The following SNX8 variants were observed in gnomAD, a reference collection of about 807,000 sequenced individuals.
SNX8 encodes the protein sorting nexin-8.
SNX8 carries 25 observed loss-of-function variants against 51.6 expected under a neutral mutation model. The observed-to-expected ratio is 0.48, with a 90% CI of 0.35 to 0.68. The LOEUF (loss-of-function observed/expected upper bound fraction) is 0.68, where lower values mean the gene tolerates loss of function less well. Among genes scored for constraint, SNX8 ranks in the 30% least tolerant of loss-of-function variants. The probability of loss-of-function intolerance (pLI) is 0.00; values close to 1 mark genes in which losing one functional copy is unlikely to be tolerated. For synonymous variants in SNX8, 324 were observed against 277.0 expected, an observed-to-expected ratio of 1.17 and a Z score of -1.68; for missense variants, 695 against 624.0, an observed-to-expected ratio of 1.11 and a Z score of -1.21.
chr7:2,261,875 G>T (rs954237115), intron 7 of SNX8, among the ~76,000 whole-genome samples: 1 of 152,224 alleles, frequency 6.6e-6, no homozygotes, highest in Non-Finnish European at 1.5e-5. Flanking sequence ...ACAGCAGGTG[G>T]GTTCACCATT....
At chr7:2,255,298 C>G in intron 10 of SNX8, 129 bp from the exon 11 acceptor site, 3 of 621,250 alleles carry the variant, frequency 4.8e-6, no homozygotes. Context: ...CTCCTCAAAC[C>G]TCTGGCAGAA....
Position 2,257,415 on chromosome 7 carries a change from G to T in SNX8, c.1084C>A (p.Gln362Lys). The T allele has an allele frequency of 6.2e-7, 1 of 1,610,658 alleles. No homozygotes were observed. Reference sequence around the variant, plus strand: ...TCCACGGACTCCGGCTCGCGGTTCTGCGCGGTGGCGCTCATCATCTGCCTC... The same window carrying T: ...TCCACGGACTCCGGCTCGCGGTTCTTCGCGGTGGCGCTCATCATCTGCCTC... ...MKRQMMSATA[Q>K]NREPESVEQL... The change falls in exon 9 of 11, where the codon CAG becomes AAG. Residue 362 changes from glutamine to lysine, a missense_variant. Coordinates refer to ENST00000222990, the MANE Select transcript of SNX8 (RefSeq NM_013321.4).
At chr7:2,314,485 C>A, upstream of SNX8, 1 of 1,174,142 alleles carries the variant, frequency 8.5e-7, no homozygotes, top group Non-Finnish European at 1.1e-6. Flanking sequence ...TGCCGCGCCG[C>A]GCCCTCGCCC....
At chr7:2,326,980 C>T (rs1369367226) in intron 1 of SNX8, among the ~76,000 whole-genome samples, 2 of 152,080 alleles carry the variant, frequency 1.3e-5, no homozygotes, top group Non-Finnish European at 1.5e-5. Flanking sequence ...AAAAATATTA[C>T]GAACTTGGTG....
At chr7:2,302,230 G>C (rs1041535643) in intron 1 of SNX8, among the ~76,000 whole-genome samples, 2 of 152,248 alleles carry the variant, frequency 1.3e-5, no homozygotes, top group African/African-American at 4.8e-5. Context: ...AGCCTGCCGA[G>C]TGCCTGCGAT....
At chr7:2,302,905 G>T (rs1195149371) in intron 1 of SNX8, among the ~76,000 whole-genome samples, 14 of 148,414 alleles carry the variant, frequency 9.4e-5, no homozygotes, top group African/African-American at 3.0e-4. Flanking sequence ...CCTCCGCCCG[G>T]CAGCCGCCCT....
intron 1 of SNX8, among the ~76,000 whole-genome samples, chr7:2,307,191 A>T (rs1338602095): frequency 6.6e-6 from 1 of 151,620 alleles, no homozygotes; most frequent in Non-Finnish European, 1.5e-5. Flanking sequence ...CCCAAAAGGG[A>T]CCCTACCTGA....
At chr7:2,315,021 C>T (rs1796731282), upstream of SNX8, among the ~76,000 whole-genome samples, 1 of 150,606 alleles carries the variant, frequency 6.6e-6, no homozygotes, top group African/African-American at 2.5e-5. Flanking sequence ...ATCCTGCATT[C>T]ATTCATTCAC....
chr7:2,257,529 G>A lies in SNX8; in HGVS notation c.985-15C>T, dbSNP rs905510689. The A allele has an allele frequency of 1.2e-6, 2 of 1,600,338 alleles. No homozygotes were observed. The highest frequency in any genetic ancestry group is 1.7e-5 in the Admixed American group (1 of 59,230). ...TCGCACAGGTCCTGCGGGGCCGGGG[G>A]AGGCATTCGCCCGCTGTCTGGATGC... is the stretch of plus-strand genomic sequence containing the variant. On this transcript the variant is annotated splice_polypyrimidine_tract_variant and intron_variant, in intron 8 of 10. Transcript: ENST00000222990.
intron 10 of SNX8, among the ~76,000 whole-genome samples, chr7:2,255,883 G>C (rs968116712): frequency 2.0e-5 from 3 of 152,250 alleles, no homozygotes; most frequent in Non-Finnish European, 4.4e-5. Flanking sequence ...GCCAAGACCT[G>C]CCGTGCAGGG....
At chr7:2,276,280 G>C (rs1047490314) in intron 2 of SNX8, among the ~76,000 whole-genome samples, 1 of 152,176 alleles carries the variant, frequency 6.6e-6, no homozygotes, top group African/African-American at 2.4e-5. Flanking sequence ...CTGCTCCCCC[G>C]TGGCATCCCA....
intron 1 of SNX8, among the ~76,000 whole-genome samples, chr7:2,304,320 A>G (rs11983281): frequency 0.069 from 10,525 of 151,880 alleles, 484 homozygotes; most frequent in South Asian, 0.2. Flanking sequence ...CAAGGTGGGC[A>G]GATCACGAGG....
chr7:2,283,413 C>T (rs550738091), intron 1 of SNX8, among the ~76,000 whole-genome samples: 1 of 152,332 alleles, frequency 6.6e-6, no homozygotes, highest in East Asian at 1.9e-4. Context: ...GTCCGCGCCG[C>T]CCAGGCACTC....
intron 1 of SNX8, among the ~76,000 whole-genome samples, chr7:2,301,662 G>C (rs1174127295): frequency 1.3e-5 from 2 of 152,190 alleles, no homozygotes; most frequent in Admixed American, 6.6e-5. Context: ...TCATGGAAAA[G>C]GGCATCCACG....
At chr7:2,329,751 G>C (rs994343195) in intron 1 of SNX8, among the ~76,000 whole-genome samples, 1 of 152,102 alleles carries the variant, frequency 6.6e-6, no homozygotes, top group African/African-American at 2.4e-5. Context: ...AAAGTGGCAC[G>C]GGGAGGGGTA....
At chr7:2,305,195 C>T (rs1796519310) in intron 1 of SNX8, among the ~76,000 whole-genome samples, 1 of 152,168 alleles carries the variant, frequency 6.6e-6, no homozygotes, top group South Asian at 2.1e-4. Flanking sequence ...CCGCAGTGCC[C>T]TCTGTTAGGA....
upstream of SNX8, among the ~76,000 whole-genome samples, chr7:2,319,416 T>G (rs1796800651): frequency 6.6e-6 from 1 of 152,144 alleles, no homozygotes; most frequent in Non-Finnish European, 1.5e-5. Flanking sequence ...TCCCAGCACT[T>G]TGGGAGGCAG....
chr7:2,350,293 G>C (rs1490744196), intron 1 of SNX8, among the ~76,000 whole-genome samples: 2 of 152,128 alleles, frequency 1.3e-5, no homozygotes, highest in Non-Finnish European at 2.9e-5. Flanking sequence ...GGTTAGTCTC[G>C]GCCCAGTCTC....
chr7:2,317,658 C>G (rs1025597660), upstream of SNX8, among the ~76,000 whole-genome samples: 1 of 151,992 alleles, frequency 6.6e-6, no homozygotes, highest in Non-Finnish European at 1.5e-5. Flanking sequence ...ATGTCAGTTC[C>G]TAGGAAGCGT....
Sources: gnomAD v4.1 joint callset for allele counts (sites outside exome capture counted in the v4.1 genomes callset) on GRCh38, gnomAD v4.1.1 for gene constraint, MANE v1.5 for transcripts, NCBI Gene and HGNC (gene_info 2026-07-23, HGNC 2026-07-21) for gene names.